The following WWOX variants were observed in gnomAD, a reference collection of about 807,000 sequenced individuals.
WWOX encodes WW domain-containing oxidoreductase.
WWOX carries 69 observed loss-of-function variants against 46.2 expected under a neutral mutation model. That is an observed-to-expected ratio of 1.49 (90% CI 1.23 to 1.82). The LOEUF is 1.82. WWOX is among the 40% of genes most tolerant of loss of function. WWOX has a pLI of 0.00. For synonymous variants in WWOX, 359 were observed against 202.6 expected (o/e 1.77, Z -6.56); for missense variants, 919 against 542.6 (o/e 1.69, Z -6.89).
At chr16:78,426,207 G>A (rs1018960805) in intron 7 of WWOX, among the ~76,000 whole-genome samples, 35 of 152,204 alleles carry the variant, frequency 2.3e-4, no homozygotes, top group African/African-American at 8.4e-4. Flanking sequence ...AATCACACCA[G>A]GTTTGTGAAG....
chr16:78,502,153 T>C (rs2085086464), intron 8 of WWOX, among the ~76,000 whole-genome samples: 1 of 152,190 alleles, frequency 6.6e-6, no homozygotes, highest in Non-Finnish European at 1.5e-5. Context: ...CCCTTAGCCC[T>C]CCAATATCCT....
intron 8 of WWOX, among the ~76,000 whole-genome samples, chr16:78,609,006 T>A (rs935723258): frequency 3.3e-5 from 5 of 151,782 alleles, no homozygotes; most frequent in African/African-American, 1.2e-4. Context: ...TGATTCTTCA[T>A]ATTTGGGACC....
chr16:78,303,427 G>A (rs973566680), intron 5 of WWOX, among the ~76,000 whole-genome samples: 8 of 152,192 alleles, frequency 5.3e-5, no homozygotes, highest in East Asian at 1.9e-4. Context: ...GCTCATGGAC[G>A]TTGCTTTTAA....
chr16:78,655,251 G>A (rs2047054418), intron 8 of WWOX, among the ~76,000 whole-genome samples: 1 of 152,092 alleles, frequency 6.6e-6, no homozygotes, highest in Non-Finnish European at 1.5e-5. Context: ...GGCTTCTCAG[G>A]GTGGTGGGGC....
intron 8 of WWOX, among the ~76,000 whole-genome samples, chr16:79,105,170 C>T (rs1011738487): frequency 6.6e-6 from 1 of 152,166 alleles, no homozygotes; most frequent in African/African-American, 2.4e-5. Context: ...TGAACAGGAA[C>T]AGAACCAGCA....
At chr16:78,794,381 C>T (rs1020948757) in intron 8 of WWOX, among the ~76,000 whole-genome samples, 2 of 152,078 alleles carry the variant, frequency 1.3e-5, no homozygotes, top group African/African-American at 4.8e-5. Flanking sequence ...TTATTTGTAA[C>T]AAACAAATAA....
intron 8 of WWOX, among the ~76,000 whole-genome samples, chr16:78,595,242 TC>T (rs1403225304): frequency 6.6e-6 from 1 of 152,180 alleles, no homozygotes. Flanking sequence ...GGTTTAGCAG[TC>T]GTGGGACTAG....
At chr16:79,029,514 C>T (rs1876977) in intron 8 of WWOX, among the ~76,000 whole-genome samples, 21,781 of 152,122 alleles carry the variant, frequency 0.14, 1,659 homozygotes, top group East Asian at 0.23. Flanking sequence ...GCAGTGAGGA[C>T]TTTGGAAATG....
At chr16:78,982,794 T>C (rs1465583246) in intron 8 of WWOX, among the ~76,000 whole-genome samples, 1 of 152,232 alleles carries the variant, frequency 6.6e-6, no homozygotes, top group African/African-American at 2.4e-5. Flanking sequence ...TATTCTCTTC[T>C]AAAATATATT....
At chr16:78,693,196 G>C (rs1050075887) in intron 8 of WWOX, among the ~76,000 whole-genome samples, 2 of 152,150 alleles carry the variant, frequency 1.3e-5, no homozygotes, top group African/African-American at 4.8e-5. Context: ...CTCAGATATT[G>C]ACTGCCTTTC....
chr16:78,861,455 T>G (rs1460438109), intron 8 of WWOX, among the ~76,000 whole-genome samples: 1 of 152,212 alleles, frequency 6.6e-6, no homozygotes, highest in Admixed American at 6.5e-5. Flanking sequence ...CAGTAATTAT[T>G]ACATGTGGCC....
chr16:78,942,372 A>G (rs1046265170), intron 8 of WWOX, among the ~76,000 whole-genome samples: 4 of 152,154 alleles, frequency 2.6e-5, no homozygotes, highest in Non-Finnish European at 5.9e-5. Context: ...TACCCCTTGC[A>G]TATTTGATAC....
chr16:79,006,120 CA>C (rs2047185590), intron 8 of WWOX, among the ~76,000 whole-genome samples: 1 of 152,192 alleles, frequency 6.6e-6, no homozygotes, highest in South Asian at 2.1e-4. Context: ...GTGAGGGTGG[CA>C]GTGGCTGGCA....
intron 8 of WWOX, among the ~76,000 whole-genome samples, chr16:78,744,516 C>T (rs927019087): frequency 7.2e-6 from 1 of 138,454 alleles, no homozygotes; most frequent in Non-Finnish European, 1.5e-5. Context: ...ATTGCAACAT[C>T]TGCCTCCTGG....
intron 8 of WWOX, among the ~76,000 whole-genome samples, chr16:79,061,030 T>G (rs1379030693): frequency 6.6e-6 from 1 of 152,156 alleles, no homozygotes; most frequent in Non-Finnish European, 1.5e-5. Context: ...CAGACTGGAA[T>G]TCAGACTTAT....
At chr16:79,137,530 A>G (rs914156200) in intron 8 of WWOX, among the ~76,000 whole-genome samples, 6 of 152,132 alleles carry the variant, frequency 3.9e-5, no homozygotes, top group African/African-American at 1.4e-4. Context: ...GACCCGTGGC[A>G]TTGTCCCGAG....
At chr16:78,646,417 C>T (rs915030286) in intron 8 of WWOX, among the ~76,000 whole-genome samples, 3 of 152,004 alleles carry the variant, frequency 2.0e-5, no homozygotes, top group South Asian at 2.1e-4. Context: ...TAACACTCAA[C>T]GCAATTTATA....
chr16:78,608,873 A>T (rs1162484815), intron 8 of WWOX, among the ~76,000 whole-genome samples: 1 of 152,088 alleles, frequency 6.6e-6, no homozygotes, highest in African/African-American at 2.4e-5. Flanking sequence ...TTAAATTCCA[A>T]ATCTGGGCAC....
intron 8 of WWOX, among the ~76,000 whole-genome samples, chr16:78,961,178 C>G (rs191066224): frequency 3.3e-5 from 5 of 152,078 alleles, no homozygotes; most frequent in African/African-American, 9.7e-5. Flanking sequence ...GCCAGGGGTC[C>G]TTTATGCAGG....
Sources: allele counts gnomAD v4.1 joint callset (sites outside exome capture counted in the v4.1 genomes callset), GRCh38; gene constraint gnomAD v4.1.1; transcripts MANE v1.5; gene names NCBI Gene and HGNC (gene_info 2026-07-23, HGNC 2026-07-21).